LIMS1: variants seen among roughly 807,000 people sequenced by gnomAD.
The protein encoded by LIMS1 is LIM and senescent cell antigen-like-containing domain protein 1.
In LIMS1, 18 loss-of-function variants were observed where a neutral mutation model predicts 44.1. The ratio of observed to expected loss-of-function variants is 0.41; its 90% confidence interval spans 0.28 to 0.61. LIMS1 has a LOEUF of 0.61. Among genes scored for constraint, LIMS1 ranks in the 20% least tolerant of loss-of-function variants. The pLI is 0.32. For missense variants in LIMS1, 201 were observed against 422.0 expected, an observed-to-expected ratio of 0.48 and a Z score of 4.59; for synonymous variants, 93 against 149.1, an observed-to-expected ratio of 0.62 and a Z score of 2.74.
intron 1 of LIMS1, among the ~76,000 whole-genome samples, chr2:108,573,434 C>T (rs1299060516): frequency 6.6e-6 from 1 of 151,944 alleles, no homozygotes; most frequent in East Asian, 1.9e-4. Flanking sequence ...AACAGTTGCT[C>T]TTGAATACTT....
intron 1 of LIMS1, among the ~76,000 whole-genome samples, chr2:108,612,923 C>T (rs1687734839): frequency 1.3e-5 from 2 of 152,162 alleles, no homozygotes; most frequent in Non-Finnish European, 1.5e-5. Context: ...CTAGTTCAGA[C>T]TTGACCTTGT....
In LIMS1 at chr2:108,607,369, C is replaced by T; in HGVS notation, c.33-52236C>T. The T allele has an allele frequency of 1.1e-5, 11 of 1,012,102 alleles. No individual in the cohort carries two copies. In the South Asian group the frequency reaches 1.3e-4, roughly 12 times the overall value. 62.7% of individuals were successfully genotyped at this position (1,012,102 alleles called of 1,614,324 possible). Reference sequence around the variant, plus strand: ...TCATCACATAAATAGTACATGTGTGCACATATAGAAGTGATTTTTACACAA... The same window carrying T: ...TCATCACATAAATAGTACATGTGTGTACATATAGAAGTGATTTTTACACAA... On this transcript the variant is annotated intron_variant, in intron 1 of 9. Coordinates refer to ENST00000544547, the Ensembl canonical transcript of LIMS1.
intron 1 of LIMS1, among the ~76,000 whole-genome samples, chr2:108,542,933 A>T (rs1684361341): frequency 1.3e-5 from 2 of 152,210 alleles, no homozygotes; most frequent in Admixed American, 1.3e-4. Flanking sequence ...CATTATTTTT[A>T]TTTGAACTCT....
rs374060987 is a variant in LIMS1, at chr2:108,683,887, A to G, written c.902A>G (p.Asn301Ser). The G allele has an allele frequency of 4.6e-6, 7 of 1,525,478 alleles. No individual in the cohort carries two copies. The African/African-American group carries it at 5.6e-5, about 12-fold the overall frequency. 94.5% of individuals were successfully genotyped at this position (1,525,478 alleles called of 1,614,324 possible). ...TTTTTATAATTTTTTGTCTTTAGGA[A>G]TAAGTTTGTGGAGTTTGACATGAAG... The change falls in exon 10 of 10, where the codon AAT becomes AGT. Residue 301 changes from asparagine to serine, a missense_variant and splice_region_variant. Transcript: ENST00000544547.
At position 108,654,694 on chromosome 2, in the gene LIMS1, A is replaced by G. The variant is rs1223414915; in HGVS notation, c.33-4911A>G. On this transcript the variant is annotated intron_variant, in intron 1 of 9. Coordinates refer to ENST00000544547, the Ensembl canonical transcript of LIMS1. ...GTGAAAAGCACGGCATTGTTGATGAAGTCTTGTGGCAAATATGCAAGGCAC... is the reference window on the plus strand; with the variant it reads ...GTGAAAAGCACGGCATTGTTGATGAGGTCTTGTGGCAAATATGCAAGGCAC... 3 of 209,010 alleles carry G rather than the reference A, an allele frequency of 1.4e-5. No individual in the cohort carries two copies. In the Admixed American group the frequency reaches 1.6e-4, roughly 11 times the overall value. 12.9% of individuals were successfully genotyped at this position (209,010 alleles called of 1,614,324 possible). A position where few individuals can be genotyped will look rare whatever the true frequency, so the allele number is the denominator to read the frequency against.
intron 8 of LIMS1, among the ~76,000 whole-genome samples, chr2:108,679,551 C>T (rs976843354): frequency 1.3e-5 from 2 of 152,090 alleles, no homozygotes; most frequent in African/African-American, 4.8e-5. Flanking sequence ...GGGACTTGAG[C>T]GTCTGAGATT....
At chr2:108,574,240 G>T (rs1008003639) in intron 1 of LIMS1, among the ~76,000 whole-genome samples, 2 of 152,180 alleles carry the variant, frequency 1.3e-5, no homozygotes, top group Non-Finnish European at 2.9e-5. Flanking sequence ...TGAAAAGCTA[G>T]ACAAGATCAG....
At chr2:108,541,310 A>G (rs1186156378) in intron 1 of LIMS1, among the ~76,000 whole-genome samples, 1 of 152,234 alleles carries the variant, frequency 6.6e-6, no homozygotes, top group Non-Finnish European at 1.5e-5. Context: ...AGCTGGGCAC[A>G]TTGCTGTCCA....
At chr2:108,560,924 G>T (rs1297712375) in intron 1 of LIMS1, among the ~76,000 whole-genome samples, 2 of 152,146 alleles carry the variant, frequency 1.3e-5, no homozygotes, top group African/African-American at 4.8e-5. Flanking sequence ...GTGTCTGTGT[G>T]TGCTTTGATA....
At chr2:108,656,410 A>C (rs930494841) in intron 1 of LIMS1, among the ~76,000 whole-genome samples, 1 of 152,170 alleles carries the variant, frequency 6.6e-6, no homozygotes, top group African/African-American at 2.4e-5. Flanking sequence ...TCTTTTTCTG[A>C]AAAATTAGCT....
exon 6 of LIMS1, chr2:108,676,027 A>T: frequency 6.2e-7 from 1 of 1,612,404 alleles, no homozygotes; most frequent in Non-Finnish European, 8.5e-7. Context: ...TGGCATGTGG[A>T]GGTGAGTTCT....
chr2:108,619,077 G>A (rs1050824301), intron 1 of LIMS1, among the ~76,000 whole-genome samples: 7 of 151,796 alleles, frequency 4.6e-5, no homozygotes, highest in African/African-American at 1.7e-4. Flanking sequence ...TTTAACACTA[G>A]TCTCATCAAA....
At chr2:108,547,416 ACT>A (rs1027156302) in intron 1 of LIMS1, among the ~76,000 whole-genome samples, 2 of 152,020 alleles carry the variant, frequency 1.3e-5, no homozygotes, top group African/African-American at 4.8e-5. Context: ...GAGGGTGGAC[ACT>A]CTCTTGGGTG....
At chr2:108,665,536 A>AT (rs1036302146) in intron 2 of LIMS1, among the ~76,000 whole-genome samples, 8 of 151,464 alleles carry the variant, frequency 5.3e-5, no homozygotes, top group Non-Finnish European at 1.0e-4. Flanking sequence ...TTATTTATTT[A>AT]TTTTTTTTGA....
chr2:108,677,902 G>A, intron 7 of LIMS1, 77 bp from the exon 8 acceptor site: 1 of 1,531,020 alleles, frequency 6.5e-7, no homozygotes, highest in Non-Finnish European at 8.8e-7. Context: ...AATTTAGATA[G>A]CCAGCTATTT....
intron 1 of LIMS1, among the ~76,000 whole-genome samples, chr2:108,646,866 C>T (rs7574800): frequency 0.41 from 62,542 of 151,806 alleles, 14,840 homozygotes; most frequent in East Asian, 0.94. Flanking sequence ...GGACTACAGG[C>T]GCCTGCCAAC....
chr2:108,589,219 T>G (rs1326951918), intron 1 of LIMS1, among the ~76,000 whole-genome samples: 1 of 152,174 alleles, frequency 6.6e-6, no homozygotes, highest in Non-Finnish European at 1.5e-5. Context: ...TAAGTTTTAT[T>G]TTTAATTGGC....
At chr2:108,579,758 AC>A (rs1685816031) in intron 1 of LIMS1, among the ~76,000 whole-genome samples, 1 of 152,234 alleles carries the variant, frequency 6.6e-6, no homozygotes, top group Non-Finnish European at 1.5e-5. Context: ...AGGAATCATC[AC>A]TTGTAACTTG....
At chr2:108,680,553 A>C in intron 8 of LIMS1, 142 bp from the exon 9 acceptor site, 1 of 1,335,730 alleles carries the variant, frequency 7.5e-7, no homozygotes, top group Non-Finnish European at 9.9e-7. Context: ...AAAAAAAAAA[A>C]AAAAAAAAAA....
Sources: allele counts gnomAD v4.1 joint callset (sites outside exome capture counted in the v4.1 genomes callset), GRCh38; gene constraint gnomAD v4.1.1; transcripts MANE v1.5; gene names NCBI Gene and HGNC (gene_info 2026-07-23, HGNC 2026-07-21).